The following PLAC8L1 variants were observed in gnomAD, a reference collection of about 807,000 sequenced individuals.
PLAC8L1 encodes the protein PLAC8-like protein 1.
Under a neutral mutation model 16.3 loss-of-function variants are expected in PLAC8L1, and 13 were observed. The observed-to-expected ratio is 0.80, with a 90% CI of 0.52 to 1.27. The LOEUF is 1.27. Ranked by LOEUF, PLAC8L1 falls within the 50% of genes most tolerant of loss-of-function variation. The pLI is 0.00. For synonymous variants in PLAC8L1, 78 were observed against 79.3 expected (o/e 0.98, Z 0.09); for missense variants, 184 against 220.2 (o/e 0.84, Z 1.04).
In PLAC8L1 at chr5:146,104,412, A is replaced by T; in HGVS notation, c.-101T>A. ...AGTCCAAAGTGAAACATCTCTTGAA[A>T]GAATGTTCCCTTAATATTCTGGAAC... On this transcript the variant is annotated 5_prime_UTR_variant, in exon 1 of 4. Coordinates refer to ENST00000311450, the MANE Select transcript of PLAC8L1 (RefSeq NM_001029869.3). The T allele has an allele frequency of 3.2e-6, 3 of 928,804 alleles. No individual in the cohort carries two copies. Among genetic ancestry groups the T allele is most frequent in the Admixed American group, 1.9e-5 (1 of 52,218 alleles). 57.5% of individuals were successfully genotyped at this position (928,804 alleles called of 1,614,324 possible).
intron 2 of PLAC8L1, 141 bp from the exon 3 acceptor site, chr5:146,085,738 T>C: frequency 2.1e-6 from 2 of 949,208 alleles, no homozygotes; most frequent in African/African-American, 1.6e-5. Flanking sequence ...AAATAACCAA[T>C]TCCCAAAACT....
intron 2 of PLAC8L1, among the ~76,000 whole-genome samples, chr5:146,093,907 G>A (rs974043877): frequency 2.0e-5 from 3 of 152,114 alleles, no homozygotes; most frequent in Admixed American, 6.5e-5. Flanking sequence ...CTGTTTGAGC[G>A]GCTGACTCTT....
chr5:146,095,987 G>C (rs969541642), intron 2 of PLAC8L1, among the ~76,000 whole-genome samples: 1 of 152,150 alleles, frequency 6.6e-6, no homozygotes, highest in Non-Finnish European at 1.5e-5. Flanking sequence ...GTTTCCTAGG[G>C]CTGCCATAGC....
At chr5:146,098,958 C>A (rs1763763370) in intron 1 of PLAC8L1, among the ~76,000 whole-genome samples, 1 of 152,154 alleles carries the variant, frequency 6.6e-6, no homozygotes, top group Admixed American at 6.5e-5. Flanking sequence ...ACAAAGTATA[C>A]TTTGGGTTGA....
rs1763876538 is a variant in PLAC8L1, at chr5:146,104,469, C to A, written c.-158G>T. The A allele has an allele frequency of 8.0e-6, 5 of 622,826 alleles. No homozygotes were observed. In the Admixed American group the frequency reaches 1.4e-4, roughly 18 times the overall value. The allele number at this position is 622,826 out of a possible 1,614,324, so 38.6% of individuals were successfully genotyped here. Reference sequence around the variant, plus strand: ...TCATAGCAGTGTAACTAACAGACATCTTTTTTCTTTAAAAACAGGTATACA... The same window carrying A: ...TCATAGCAGTGTAACTAACAGACATATTTTTTCTTTAAAAACAGGTATACA... On this transcript the variant is annotated 5_prime_UTR_variant, in exon 1 of 4. Transcript: ENST00000311450.
At chr5:146,089,253 A>G (rs182720411) in intron 2 of PLAC8L1, among the ~76,000 whole-genome samples, 5 of 152,318 alleles carry the variant, frequency 3.3e-5, no homozygotes, top group African/African-American at 1.2e-4. Context: ...AGGTAGTACT[A>G]GATGCTGAAA....
intron 2 of PLAC8L1, among the ~76,000 whole-genome samples, chr5:146,089,740 C>CTTTTT (rs35287551): frequency 7.3e-6 from 1 of 136,196 alleles, no homozygotes; most frequent in African/African-American, 2.7e-5. Flanking sequence ...ACTTCTTCTT[C>CTTTTT]TTTTTTTTTT....
intron 2 of PLAC8L1, among the ~76,000 whole-genome samples, chr5:146,089,740 CT>C (rs35287551): frequency 0.22 from 30,245 of 135,994 alleles, 3,764 homozygotes; most frequent in Admixed American, 0.33. Context: ...ACTTCTTCTT[CT>C]TTTTTTTTTT....
Position 146,098,151 on chromosome 5 carries a change from CT to C in PLAC8L1, c.256+4del. On this transcript the variant is annotated splice_donor_region_variant and intron_variant, in intron 2 of 3. Coordinates refer to ENST00000311450, the MANE Select transcript of PLAC8L1 (RefSeq NM_001029869.3). ...GAGGAACTTAAATAAGGAGGAAAAACTTACAAATTCTCCTATCTCTGCAGAC... is the reference window on the plus strand; with the variant it reads ...GAGGAACTTAAATAAGGAGGAAAAACTACAAATTCTCCTATCTCTGCAGAC... 6.2e-7 allele frequency: 1 copy of C among 1,607,238 alleles called. No homozygotes were observed. Among genetic ancestry groups the C allele is most frequent in the East Asian group, 2.2e-5 (1 of 44,682 alleles).
intron 2 of PLAC8L1, among the ~76,000 whole-genome samples, chr5:146,091,737 G>T (rs769296391): frequency 6.6e-6 from 1 of 152,122 alleles, no homozygotes; most frequent in Non-Finnish European, 1.5e-5. Flanking sequence ...AGAAGTCCGC[G>T]GTTACAATGA....
rs928636353 is a variant in PLAC8L1 at position 146,105,071 on chromosome 5, A to G, written c.-760T>C. On this transcript the variant is annotated 5_prime_UTR_variant, in exon 1 of 4. The change abolishes an upstream ATG in the 5' untranslated region. Coordinates refer to ENST00000311450, the MANE Select transcript of PLAC8L1 (RefSeq NM_001029869.3). ...AGCCTCTGAATCATGCCTCTGGCAC[A>G]TGTCTTATGGAGGTGTGGACCCTAG... is the stretch of plus-strand genomic sequence containing the variant. Among the ~76,000 whole-genome samples, 3 of 152,184 alleles carry G rather than the reference A, an allele frequency of 2.0e-5. No individual in the cohort carries two copies. The highest frequency in any genetic ancestry group is 7.2e-5 in the African/African-American group (3 of 41,446).
Position 146,085,443 on chromosome 5 carries a change from A to T in PLAC8L1, c.393+18T>A. On this transcript the variant is annotated intron_variant, in intron 3 of 3. Transcript: ENST00000311450. Reference sequence around the variant, plus strand: ...TTCATACAGATTCGGGTTCACGTATACCTTCAAACACACTTACCTGTATTT... The same window carrying T: ...TTCATACAGATTCGGGTTCACGTATTCCTTCAAACACACTTACCTGTATTT... 2 of 1,612,020 alleles carry T rather than the reference A, an allele frequency of 1.2e-6. No individual in the cohort carries two copies. The highest frequency in any genetic ancestry group is 1.7e-6 in the Non-Finnish European group (2 of 1,178,842).
At chr5:146,085,422 T>C (rs1368385358) in intron 3 of PLAC8L1, 39 bp downstream of exon 3, 7 of 1,582,484 alleles carry the variant, frequency 4.4e-6, no homozygotes, top group South Asian at 2.3e-5. Context: ...TAGGTTTTCA[T>C]ACAGATTCGG....
intron 2 of PLAC8L1, among the ~76,000 whole-genome samples, chr5:146,095,364 G>T (rs1371734663): frequency 6.6e-6 from 1 of 152,190 alleles, no homozygotes; most frequent in African/African-American, 2.4e-5. Flanking sequence ...GAATCCTCAG[G>T]AAGTGTGGTT....
intron 1 of PLAC8L1, among the ~76,000 whole-genome samples, chr5:146,100,775 T>C (rs569846473): frequency 4.6e-4 from 70 of 152,308 alleles, no homozygotes; most frequent in Admixed American, 1.4e-3. Context: ...TTCTGTAGAC[T>C]GCATCGCATC....
intron 2 of PLAC8L1, among the ~76,000 whole-genome samples, chr5:146,094,600 A>G (rs532318275): frequency 1.3e-5 from 2 of 152,276 alleles, no homozygotes; most frequent in African/African-American, 4.8e-5. Context: ...TTTCACTCAC[A>G]ATGCCACTTA....
chr5:146,093,303 A>G (rs527755957), intron 2 of PLAC8L1, among the ~76,000 whole-genome samples: 1 of 152,206 alleles, frequency 6.6e-6, no homozygotes, highest in Non-Finnish European at 1.5e-5. Context: ...ATGGAGTACT[A>G]CTTGCTTTTC....
chr5:146,099,658 C>CAAAA (rs10581890), intron 1 of PLAC8L1, among the ~76,000 whole-genome samples: 1 of 88,750 alleles, frequency 1.1e-5, no homozygotes, highest in African/African-American at 5.2e-5. Context: ...GACTCCGTCT[C>CAAAA]AAAAAAAAAA....
intron 1 of PLAC8L1, 120 bp from the exon 2 acceptor site, chr5:146,098,412 C>A: frequency 1.1e-6 from 1 of 936,540 alleles, no homozygotes; most frequent in Non-Finnish European, 1.5e-6. Flanking sequence ...GGGCTCATAG[C>A]CCAAATCGAC....
Sources: gnomAD v4.1 joint callset for allele counts (sites outside exome capture counted in the v4.1 genomes callset) on GRCh38, gnomAD v4.1.1 for gene constraint, MANE v1.5 for transcripts, NCBI Gene and HGNC (gene_info 2026-07-23, HGNC 2026-07-21) for gene names.